BCL2: variants seen among roughly 807,000 people sequenced by gnomAD.
The protein encoded by BCL2 is BCL2 apoptosis regulator.
BCL2 carries 1 observed loss-of-function variant against 14.2 expected under a neutral mutation model. The ratio of observed to expected loss-of-function variants is 0.07; its 90% CI spans 0.02 to 0.33. BCL2 has a LOEUF of 0.33. BCL2 is among the 10% of genes least tolerant of loss of function. The pLI is 0.99. For synonymous variants in BCL2, 151 were observed against 137.2 expected (o/e 1.10, Z -0.70); for missense variants, 247 against 305.9 (o/e 0.81, Z 1.44).
At chr18:63,141,415 C>T (rs1568214092) in intron 2 of BCL2, among the ~76,000 whole-genome samples, 1 of 152,004 alleles carries the variant, frequency 6.6e-6, no homozygotes, top group Non-Finnish European at 1.5e-5. Context: ...CCTTTCTTGG[C>T]ACAGCACTGA....
At chr18:63,257,372 C>A (rs1911509935) in intron 2 of BCL2, among the ~76,000 whole-genome samples, 1 of 152,184 alleles carries the variant, frequency 6.6e-6, no homozygotes, top group Admixed American at 6.5e-5. Context: ...AAGTATGCTG[C>A]CATCTAAAAT....
intron 2 of BCL2, among the ~76,000 whole-genome samples, chr18:63,228,401 G>C (rs1189421807): frequency 6.6e-6 from 1 of 152,120 alleles, no homozygotes; most frequent in African/African-American, 2.4e-5. Flanking sequence ...ACGACTACAT[G>C]ATATAGAACA....
At chr18:63,200,886 G>A (rs1368031438) in intron 2 of BCL2, among the ~76,000 whole-genome samples, 1 of 152,124 alleles carries the variant, frequency 6.6e-6, no homozygotes, top group Non-Finnish European at 1.5e-5. Context: ...GCCTTCCAAA[G>A]TGCTGAGATA....
intron 2 of BCL2, among the ~76,000 whole-genome samples, chr18:63,160,368 C>T (rs573456919): frequency 9.9e-5 from 15 of 152,204 alleles, no homozygotes; most frequent in Admixed American, 2.6e-4. Context: ...CACTCAGATA[C>T]GCAACTAAGA....
chr18:63,196,079 G>A (rs777456845), intron 2 of BCL2, among the ~76,000 whole-genome samples: 8 of 152,154 alleles, frequency 5.3e-5, no homozygotes, highest in Non-Finnish European at 1.0e-4. Context: ...TTTACCTTGT[G>A]GCTATTTGTC....
At chr18:63,247,382 G>A (rs1318189100) in intron 2 of BCL2, among the ~76,000 whole-genome samples, 1 of 143,128 alleles carries the variant, frequency 7.0e-6, no homozygotes, top group Non-Finnish European at 1.5e-5. Flanking sequence ...ATTTTTAGTA[G>A]AGATGGGGTT....
intron 2 of BCL2, among the ~76,000 whole-genome samples, chr18:63,198,661 CACAG>C (rs1909544716): frequency 6.8e-6 from 1 of 146,744 alleles, no homozygotes; most frequent in Non-Finnish European, 1.5e-5. Flanking sequence ...CACAGACACA[CACAG>C]ACACAAAGAC....
rs115272149 is a variant in BCL2 at position 63,295,554 on chromosome 18, C to T, written c.585+22528G>A. 5.0e-3 allele frequency among the ~76,000 whole-genome samples: 763 copies of T among 152,270 alleles called. 2 individuals are homozygous for T. Among genetic ancestry groups the T allele is most frequent in the African/African-American group, 0.017 (714 of 41,536 alleles). ...TGAGGGACCCTGTAACTCAACTTCC[C>T]CATTTGCAGATGAAGAAATGAAAGC... On this transcript the variant is annotated intron_variant, in intron 2 of 2. Transcript: ENST00000333681.
chr18:63,125,693 G>GA lies in BCL2; in HGVS notation c.*2931dup, dbSNP rs1913894902. The stretch of plus-strand genomic sequence containing the variant: ...GATATAATGAAAAAAAAGAAGAGGA[G>GA]AAAAAAATGACTAGTTGAGGCTTTT... On this transcript the variant is annotated 3_prime_UTR_variant, in exon 3 of 3. Transcript: ENST00000333681. 1 of 212,712 alleles carries GA rather than the reference G, an allele frequency of 4.7e-6. No individual in the cohort carries two copies. Among genetic ancestry groups the GA allele is most frequent in the East Asian group, 7.0e-5 (1 of 14,350 alleles). The allele number at this position is 212,712 out of a possible 1,614,324, so 13.2% of individuals were successfully genotyped here.
chr18:63,283,280 A>G (rs1355622909), intron 2 of BCL2, among the ~76,000 whole-genome samples: 2 of 152,224 alleles, frequency 1.3e-5, no homozygotes, highest in African/African-American at 4.8e-5. Flanking sequence ...TCAGAATTAA[A>G]AACATTCCAT....
chr18:63,285,424 C>T (rs1234454069), intron 2 of BCL2, among the ~76,000 whole-genome samples: 2 of 152,178 alleles, frequency 1.3e-5, no homozygotes, highest in African/African-American at 4.8e-5. Flanking sequence ...CGGAAGGGGA[C>T]CTTGTGATGC....
At chr18:63,315,734 G>C (rs1395028299) in intron 2 of BCL2, 1 of 152,140 alleles carries the variant, frequency 6.6e-6, no homozygotes, top group Non-Finnish European at 1.5e-5. Flanking sequence ...AAATCTGTCT[G>C]TATGCCAAAT....
intron 2 of BCL2, among the ~76,000 whole-genome samples, chr18:63,157,549 G>T (rs556074791): frequency 6.6e-6 from 1 of 152,320 alleles, no homozygotes; most frequent in South Asian, 2.1e-4. Flanking sequence ...TGTTTTCAGC[G>T]TTAACCTTAA....
intron 2 of BCL2, among the ~76,000 whole-genome samples, chr18:63,266,637 T>TCACACACACACACA (rs1240438012): frequency 2.3e-5 from 2 of 86,010 alleles, no homozygotes; most frequent in African/African-American, 7.2e-5. Flanking sequence ...TCTCTCTCTC[T>TCACACACACACACA]CACACACACA....
chr18:63,191,648 AC>A (rs1355632894), intron 2 of BCL2, among the ~76,000 whole-genome samples: 5 of 152,246 alleles, frequency 3.3e-5, no homozygotes, highest in Non-Finnish European at 7.3e-5. Context: ...GCAGCTGCTT[AC>A]TGAAGAAGTT....
At position 63,257,953 on chromosome 18, in the gene BCL2, AG is replaced by A. The variant is rs1206101970; in HGVS notation, c.585+60128del. On this transcript the variant is annotated intron_variant, in intron 2 of 2. Transcript: ENST00000333681. ...ATGGGTCGAATTATGTCCCCTCAAA[AG>A]ATATGTTCAAGTCCCCAGTACCTGT... Among the ~76,000 whole-genome samples, 4 of 152,360 alleles carry A rather than the reference AG, an allele frequency of 2.6e-5. No homozygotes were observed. In the East Asian group the frequency reaches 7.7e-4, roughly 29 times the overall value.
At chr18:63,198,531 C>T (rs1451091437) in intron 2 of BCL2, among the ~76,000 whole-genome samples, 1 of 146,882 alleles carries the variant, frequency 6.8e-6, no homozygotes, top group Non-Finnish European at 1.5e-5. Context: ...GACACAGACA[C>T]ACATTGACAC....
intron 2 of BCL2, among the ~76,000 whole-genome samples, chr18:63,311,333 G>C (rs746599507): frequency 1.3e-5 from 2 of 152,162 alleles, no homozygotes; most frequent in African/African-American, 2.4e-5. Flanking sequence ...GAGACAGCCT[G>C]CAACACTGAT....
At chr18:63,201,931 A>C (rs2144664874) in intron 2 of BCL2, among the ~76,000 whole-genome samples, 1 of 152,278 alleles carries the variant, frequency 6.6e-6, no homozygotes, top group East Asian at 1.9e-4. Flanking sequence ...TACCTATGTA[A>C]GAAGCCTGCA....
Sources: allele counts gnomAD v4.1 joint callset (sites outside exome capture counted in the v4.1 genomes callset), GRCh38; gene constraint gnomAD v4.1.1; transcripts MANE v1.5; gene names NCBI Gene and HGNC (gene_info 2026-07-23, HGNC 2026-07-21).